PTPN22: variants seen among roughly 807,000 people sequenced by gnomAD.
PTPN22 encodes the protein tyrosine-protein phosphatase non-receptor type 22.
A neutral mutation model predicts 103.3 loss-of-function variants in PTPN22; 85 were observed. The ratio of observed to expected loss-of-function variants is 0.82; its 90% CI spans 0.69 to 0.99. PTPN22 has a LOEUF of 0.99. PTPN22 is among the 50% of genes least tolerant of loss of function. The pLI, the probability that PTPN22 is intolerant of heterozygous loss-of-function variation, is 0.00. For synonymous variants in PTPN22, 323 were observed against 310.2 expected (o/e 1.04, Z -0.43); for missense variants, 865 against 936.9 (o/e 0.92, Z 1.00).
chr1:113,870,298 GA>G (rs61014287), intron 1 of PTPN22, among the ~76,000 whole-genome samples: 3 of 151,780 alleles, frequency 2.0e-5, no homozygotes, highest in South Asian at 2.1e-4. Flanking sequence ...ATAATTTGGT[GA>G]AAAAAAATCA....
intron 1 of PTPN22, chr1:113,864,507 T>A (rs1308351973): frequency 7.7e-6 from 2 of 259,776 alleles, no homozygotes; most frequent in East Asian, 1.4e-4. Context: ...ACACCTGTAA[T>A]CTCAACACTT....
chr1:113,827,252 T>A (rs901820370), intron 18 of PTPN22, among the ~76,000 whole-genome samples: 14 of 152,180 alleles, frequency 9.2e-5, no homozygotes, highest in Admixed American at 7.2e-4. Flanking sequence ...AGTTATTTTT[T>A]AAAAAATAGA....
In PTPN22 at chr1:113,834,960, G is replaced by A. The variant is rs1257149718; in HGVS notation, c.1844C>T (p.Pro615Leu). 7.0e-6 allele frequency: 11 copies of A among 1,569,778 alleles called. No individual in the cohort carries two copies. The highest frequency in any genetic ancestry group is 8.6e-6 in the Non-Finnish European group (10 of 1,162,538). ...TTCAGGTGTCCATACAGGAAGTGGA[G>A]GGGGGATTTCATCATCTATCCTTGG... The change falls in exon 14 of 21, where the codon CCT becomes CTT. Residue 615 changes from proline to leucine, a missense_variant. Transcript: ENST00000359785.
chr1:113,837,526 C>G, intron 13 of PTPN22, 64 bp downstream of exon 13: 1 of 1,169,564 alleles, frequency 8.6e-7, no homozygotes, highest in Non-Finnish European at 1.2e-6. Flanking sequence ...GGAGAAGAAA[C>G]CAACTATTCT....
intron 19 of PTPN22, among the ~76,000 whole-genome samples, chr1:113,820,280 C>T (rs1661479716): frequency 6.6e-6 from 1 of 151,914 alleles, no homozygotes; most frequent in African/African-American, 2.4e-5. Flanking sequence ...ATGGTGAAAC[C>T]CCGTCTCTAC....
rs1209237938 is a variant in PTPN22, at chr1:113,858,869, G to A, written c.273+133C>T. The stretch of plus-strand genomic sequence containing the variant: ...GCCCAGGCTGGTCTGAAATTCTTGC[G>A]TTCAAGTGATCTTTCCGCCTCAGCC... On this transcript the variant is annotated intron_variant, in intron 3 of 20. Transcript: ENST00000359785. 7.1e-6 allele frequency: 10 copies of A among 1,416,604 alleles called. No homozygotes were observed. In the East Asian group the frequency reaches 1.0e-4, roughly 14 times the overall value. 87.8% of individuals were successfully genotyped at this position (1,416,604 alleles called of 1,614,324 possible).
At chr1:113,847,910 A>C (rs1407827283) in intron 11 of PTPN22, among the ~76,000 whole-genome samples, 14 of 151,708 alleles carry the variant, frequency 9.2e-5, no homozygotes. Context: ...CCATTTGGAA[A>C]AATTTTTTTG....
intron 11 of PTPN22, among the ~76,000 whole-genome samples, chr1:113,842,699 G>T (rs1039552852): frequency 5.3e-5 from 8 of 151,866 alleles, no homozygotes; most frequent in Admixed American, 1.3e-4. Flanking sequence ...ACAAAAAACA[G>T]AAAATAAAAA....
intron 1 of PTPN22, among the ~76,000 whole-genome samples, chr1:113,866,331 T>C (rs939554843): frequency 4.6e-5 from 7 of 152,088 alleles, no homozygotes; most frequent in Non-Finnish European, 8.8e-5. Flanking sequence ...GCCAACATGA[T>C]GAAACCCCAT....
intron 1 of PTPN22, among the ~76,000 whole-genome samples, chr1:113,865,247 C>T (rs549709853): frequency 2.6e-5 from 4 of 152,064 alleles, no homozygotes; most frequent in Admixed American, 6.5e-5. Flanking sequence ...AATCATGGAA[C>T]ATTTTAAGGC....
chr1:113,829,316 T>A, intron 18 of PTPN22: 1 of 205,922 alleles, frequency 4.9e-6, no homozygotes, highest in Non-Finnish European at 9.6e-6. Context: ...AAACTGTGTG[T>A]CACAAGGGTT....
intron 18 of PTPN22, among the ~76,000 whole-genome samples, chr1:113,828,727 C>T (rs1481711476): frequency 6.6e-6 from 1 of 152,172 alleles, no homozygotes; most frequent in Admixed American, 6.5e-5. Flanking sequence ...TCTCCACCTT[C>T]CAGGCTCGAC....
chr1:113,863,100 G>C (rs1429951723), intron 1 of PTPN22, among the ~76,000 whole-genome samples: 3 of 151,894 alleles, frequency 2.0e-5, no homozygotes, highest in Non-Finnish European at 4.4e-5. Flanking sequence ...TTGGTTGGTT[G>C]GTTGGTTTTT....
exon 4 of PTPN22, chr1:113,858,532 A>T (rs765607212): frequency 6.2e-7 from 1 of 1,606,058 alleles, no homozygotes; most frequent in South Asian, 1.1e-5. Flanking sequence ...TTGTAGATAA[A>T]GGACCCTGGG....
rs554259386 is a variant in PTPN22, at chr1:113,853,226, C to T, written c.751-1122G>A. On this transcript the variant is annotated intron_variant, in intron 9 of 20. Transcript: ENST00000359785. ...GTGCTGAGATTACAGGCATGAGCCACTGCAACCAGCCAAGTTTGCTTGGTT... is the reference window on the plus strand; with the variant it reads ...GTGCTGAGATTACAGGCATGAGCCATTGCAACCAGCCAAGTTTGCTTGGTT... Among the ~76,000 whole-genome samples, 3 of 152,102 alleles carry T rather than the reference C, an allele frequency of 2.0e-5. 1 individual carries two copies. The highest frequency in any genetic ancestry group is 4.4e-5 in the Non-Finnish European group (3 of 68,020).
intron 1 of PTPN22, among the ~76,000 whole-genome samples, chr1:113,863,667 CTGTT>C (rs1665822732): frequency 6.6e-6 from 1 of 152,234 alleles, no homozygotes; most frequent in Non-Finnish European, 1.5e-5. Flanking sequence ...TTGTTGATAA[CTGTT>C]TGGTTAGTAT....
intron 11 of PTPN22, among the ~76,000 whole-genome samples, chr1:113,847,252 T>C (rs1664168655): frequency 7.6e-6 from 1 of 131,050 alleles, no homozygotes; most frequent in Non-Finnish European, 1.7e-5. Flanking sequence ...TTTTTTTTTT[T>C]GATGAGGCTT....
chr1:113,839,264 G>A (rs1663300722), intron 11 of PTPN22, among the ~76,000 whole-genome samples: 1 of 152,034 alleles, frequency 6.6e-6, no homozygotes, highest in African/African-American at 2.4e-5. Context: ...TCTTTTTTAA[G>A]AGACAGGGCC....
At chr1:113,861,385 C>T (rs1478056196) in intron 1 of PTPN22, among the ~76,000 whole-genome samples, 1 of 152,048 alleles carries the variant, frequency 6.6e-6, no homozygotes, top group African/African-American at 2.4e-5. Context: ...GGGTTACAGG[C>T]GCCCGCCACC....
Sources: allele counts gnomAD v4.1 joint callset (sites outside exome capture counted in the v4.1 genomes callset), GRCh38; gene constraint gnomAD v4.1.1; transcripts MANE v1.5; gene names NCBI Gene and HGNC (gene_info 2026-07-23, HGNC 2026-07-21).